The following P2RY8 variants were observed in gnomAD, a reference collection of about 807,000 sequenced individuals.
P2RY8 encodes S-geranylgeranyl-glutathione receptor P2RY8.
P2RY8 carries 6 observed loss-of-function variants against 10.0 expected under a neutral mutation model. The observed-to-expected ratio is 0.60, with a 90% CI of 0.33 to 1.19. P2RY8 has a LOEUF of 1.19. Ranked by LOEUF, P2RY8 falls within the 50% of genes most tolerant of loss-of-function variation. The probability of loss-of-function intolerance (pLI) is 0.04; values close to 1 mark genes in which losing one functional copy is unlikely to be tolerated. For missense variants in P2RY8, 456 were observed against 542.0 expected, an observed-to-expected ratio of 0.84 and a Z score of 1.58; for synonymous variants, 276 against 252.5, an observed-to-expected ratio of 1.09 and a Z score of -0.88.
chrX:1,509,363 C>CCATT (rs2092272703), intron 1 of P2RY8, among the ~76,000 whole-genome samples: 3 of 147,182 alleles, frequency 2.0e-5, no homozygotes, highest in Non-Finnish European at 3.0e-5. Context: ...ATCCATCCAT[C>CCATT]CATCCATCTA....
chrX:1,523,050 CAGAG>C (rs1371556428), intron 1 of P2RY8, among the ~76,000 whole-genome samples: 3 of 148,324 alleles, frequency 2.0e-5, no homozygotes, highest in African/African-American at 7.6e-5. Flanking sequence ...GCCTGGGCGA[CAGAG>C]AGAGACTCCA....
At chrX:1,525,043 G>A (rs1479560166) in intron 1 of P2RY8, among the ~76,000 whole-genome samples, 5 of 152,224 alleles carry the variant, frequency 3.3e-5, no homozygotes, top group Non-Finnish European at 7.3e-5. Context: ...TAGTCCTGTA[G>A]CCAGGGTCTG....
chrX:1,521,124 T>G (rs1436470284), intron 1 of P2RY8, among the ~76,000 whole-genome samples: 1 of 139,986 alleles, frequency 7.1e-6, no homozygotes, highest in African/African-American at 2.7e-5. Context: ...AGCCTCCAAC[T>G]CTCTGGTTCA....
At chrX:1,514,016 G>A (rs1417809093) in intron 1 of P2RY8, among the ~76,000 whole-genome samples, 1 of 152,214 alleles carries the variant, frequency 6.6e-6, no homozygotes, top group Admixed American at 6.5e-5. Context: ...GTTCCAGGGG[G>A]TTAGGGCATG....
intron 1 of P2RY8, among the ~76,000 whole-genome samples, chrX:1,491,596 A>C (rs1317971059): frequency 2.0e-5 from 3 of 152,198 alleles, no homozygotes; most frequent in Admixed American, 2.0e-4. Context: ...TGCCACTCTG[A>C]GAATGCACAG....
At chrX:1,518,738 T>A (rs1333437653) in intron 1 of P2RY8, among the ~76,000 whole-genome samples, 2 of 151,904 alleles carry the variant, frequency 1.3e-5, no homozygotes, top group Admixed American at 6.6e-5. Flanking sequence ...TTCTCTCTAA[T>A]CCTCAATATT....
intron 1 of P2RY8, among the ~76,000 whole-genome samples, chrX:1,467,048 C>T (rs1221181203): frequency 7.0e-6 from 1 of 143,044 alleles, no homozygotes; most frequent in Non-Finnish European, 1.5e-5. Flanking sequence ...CTCAGTGTCC[C>T]CCGTGGACGG....
chrX:1,532,412 A>G (rs2092483251), intron 1 of P2RY8, among the ~76,000 whole-genome samples: 1 of 134,098 alleles, frequency 7.5e-6, no homozygotes, highest in South Asian at 2.4e-4. Flanking sequence ...ATATATGTAT[A>G]TGATGTGTAT....
intron 1 of P2RY8, among the ~76,000 whole-genome samples, chrX:1,468,071 G>T (rs1461152343): frequency 5.3e-5 from 8 of 151,336 alleles, no homozygotes; most frequent in Non-Finnish European, 1.2e-4. Flanking sequence ...CTGAGTACCT[G>T]GGACTGCAGG....
At chrX:1,533,892 C>G (rs183238074) in intron 1 of P2RY8, among the ~76,000 whole-genome samples, 2 of 118,772 alleles carry the variant, frequency 1.7e-5, no homozygotes, top group East Asian at 5.6e-4. Flanking sequence ...ATATTATATA[C>G]TTATATATGT....
At chrX:1,515,948 G>GGA in intron 1 of P2RY8, among the ~76,000 whole-genome samples, 1 of 109,878 alleles carries the variant, frequency 9.1e-6, no homozygotes, top group South Asian at 4.1e-4. Context: ...CCGAGGGGTC[G>GGA]GGGGGTGGTG....
At chrX:1,524,793 T>C (rs868074648) in intron 1 of P2RY8, among the ~76,000 whole-genome samples, 513 of 33,176 alleles carry the variant, frequency 0.015, no homozygotes, top group African/African-American at 0.02. Context: ...ACTCATCCAT[T>C]CATCCATCCA....
In P2RY8 at chrX:1,508,704, T is replaced by TCCATCCATCCATCCATCTATTCTA. The variant is rs1201683452; in HGVS notation, c.-25+28216_-25+28217insTAGAATAGATGGATGGATGGATGG. On this transcript the variant is annotated intron_variant, in intron 1 of 1. Coordinates refer to ENST00000381297, the MANE Select transcript of P2RY8 (RefSeq NM_178129.5). Reference sequence around the variant, plus strand: ...CATCATCCATCCATCCATCCATCCATTCTATCTATCTATCTATCTATCTAT... The same window carrying TCCATCCATCCATCCATCTATTCTA: ...CATCATCCATCCATCCATCCATCCATCCATCCATCCATCCATCTATTCTATCTATCTATCTATCTATCTATCTAT... Among the ~76,000 whole-genome samples, 898 of 112,038 alleles carry TCCATCCATCCATCCATCTATTCTA rather than the reference T, an allele frequency of 8.0e-3. 23 individuals are homozygous for TCCATCCATCCATCCATCTATTCTA. The highest frequency in any genetic ancestry group is 0.012 in the Non-Finnish European group (627 of 50,780). 73.5% of individuals were successfully genotyped at this position (112,038 alleles called of 152,430 possible).
intron 1 of P2RY8, among the ~76,000 whole-genome samples, chrX:1,519,320 T>C (rs776055797): frequency 1.3e-5 from 2 of 151,926 alleles, no homozygotes; most frequent in African/African-American, 4.8e-5. Flanking sequence ...ATCTCCTTGG[T>C]CCCTAATAAT....
intron 1 of P2RY8, among the ~76,000 whole-genome samples, chrX:1,511,218 A>G (rs1379600161): frequency 6.6e-6 from 1 of 152,154 alleles, no homozygotes; most frequent in East Asian, 1.9e-4. Context: ...ACACCTTTTG[A>G]TATAGACAGC....
At chrX:1,505,659 G>T (rs756499073) in intron 1 of P2RY8, among the ~76,000 whole-genome samples, 123 of 151,976 alleles carry the variant, frequency 8.1e-4, no homozygotes, top group Admixed American at 5.9e-3. Context: ...GTGTGGTGGC[G>T]GGCGCCTGTC....
At chrX:1,471,054 C>G (rs2091778300) in intron 1 of P2RY8, among the ~76,000 whole-genome samples, 1 of 151,668 alleles carries the variant, frequency 6.6e-6, no homozygotes, top group South Asian at 2.1e-4. Flanking sequence ...TTTGCCCAGG[C>G]TGGAGTGCAA....
intron 1 of P2RY8, among the ~76,000 whole-genome samples, chrX:1,511,078 G>A (rs1286676158): frequency 6.6e-6 from 1 of 151,790 alleles, no homozygotes; most frequent in Admixed American, 6.6e-5. Flanking sequence ...TACTCAGGAG[G>A]CTGAGGCAGG....
chrX:1,517,236 G>T (rs1340867808), intron 1 of P2RY8, among the ~76,000 whole-genome samples: 6 of 151,972 alleles, frequency 3.9e-5, no homozygotes, highest in Non-Finnish European at 8.8e-5. Context: ...AAGAGGAGGA[G>T]ATGAGGGCAC....
Sources: gnomAD v4.1 joint callset for allele counts (sites outside exome capture counted in the v4.1 genomes callset) on GRCh38, gnomAD v4.1.1 for gene constraint, MANE v1.5 for transcripts, NCBI Gene and HGNC (gene_info 2026-07-23, HGNC 2026-07-21) for gene names.